ZPBP: variants seen among roughly 807,000 people sequenced by gnomAD.
ZPBP encodes the protein zona pellucida-binding protein 1.
ZPBP carries 26 observed loss-of-function variants against 44.8 expected under a neutral mutation model. That is an observed-to-expected ratio of 0.58 (90% CI 0.43 to 0.81). ZPBP has a LOEUF of 0.81. Among genes scored for constraint, ZPBP ranks in the 30% least tolerant of loss-of-function variants. The pLI, the probability that ZPBP is intolerant of heterozygous loss-of-function variation, is 0.00. For missense variants in ZPBP, 409 were observed against 434.0 expected, an observed-to-expected ratio of 0.94 and a Z score of 0.51; for synonymous variants, 174 against 153.2, an observed-to-expected ratio of 1.14 and a Z score of -1.00.
At chr7:49,884,489 G>A (rs1205472271) in intron 2 of ZPBP, among the ~76,000 whole-genome samples, 1 of 152,176 alleles carries the variant, frequency 6.6e-6, no homozygotes, top group Non-Finnish European at 1.5e-5. Flanking sequence ...TCATCCTGAT[G>A]GATGAGGGGT....
At chr7:49,878,834 C>G (rs190145897) in intron 2 of ZPBP, among the ~76,000 whole-genome samples, 2 of 152,280 alleles carry the variant, frequency 1.3e-5, no homozygotes, top group Non-Finnish European at 2.9e-5. Flanking sequence ...AACACAGCTA[C>G]AGTTGTTTAT....
chr7:50,062,077 GC>G (rs1298766386), intron 3 of ZPBP, among the ~76,000 whole-genome samples: 15 of 152,100 alleles, frequency 9.9e-5, no homozygotes, highest in Admixed American at 9.8e-4. Flanking sequence ...ATTCACAATG[GC>G]CACAAAAAGA....
At chr7:50,088,715 T>C (rs191886975) in intron 2 of ZPBP, among the ~76,000 whole-genome samples, 2 of 152,038 alleles carry the variant, frequency 1.3e-5, no homozygotes, top group East Asian at 3.9e-4. Context: ...TGATACCAGT[T>C]TACACATACT....
downstream of ZPBP, chr7:49,937,425 T>G (rs1794658941): frequency 1.1e-6 from 1 of 903,172 alleles, no homozygotes; most frequent in Admixed American, 1.8e-5. Flanking sequence ...ATGACACATT[T>G]TTTTGTAAAA....
At chr7:49,990,776 C>A (rs1797536421) in intron 6 of ZPBP, among the ~76,000 whole-genome samples, 1 of 152,132 alleles carries the variant, frequency 6.6e-6, no homozygotes, top group South Asian at 2.1e-4. Context: ...ACTGGCCATG[C>A]CAAGCTCATT....
chr7:49,936,527 G>A (rs1207306344), downstream of ZPBP, among the ~76,000 whole-genome samples: 2 of 152,068 alleles, frequency 1.3e-5, no homozygotes, highest in Non-Finnish European at 2.9e-5. Context: ...TCCAGCATAG[G>A]GTATGTTTGC....
At chr7:49,873,121 A>G (rs1791245529) in intron 2 of ZPBP, among the ~76,000 whole-genome samples, 2 of 152,280 alleles carry the variant, frequency 1.3e-5, no homozygotes, top group South Asian at 4.1e-4. Context: ...GCAAATTCTT[A>G]CCCAGTAATT....
At chr7:49,983,630 T>TTA in intron 6 of ZPBP, 111 bp from the exon 7 acceptor site, 1 of 659,674 alleles carries the variant, frequency 1.5e-6, no homozygotes, top group Non-Finnish European at 2.5e-6. Context: ...CTCAAGGTCA[T>TTA]TATTTTTTCT....
At chr7:50,091,201 T>A (rs1802976451) in intron 1 of ZPBP, among the ~76,000 whole-genome samples, 1 of 152,196 alleles carries the variant, frequency 6.6e-6, no homozygotes, top group South Asian at 2.1e-4. Flanking sequence ...GAGTTCCTTG[T>A]AGATTCTAGA....
chr7:49,923,083 G>C (rs1183247263), intron 1 of ZPBP, among the ~76,000 whole-genome samples: 2 of 152,160 alleles, frequency 1.3e-5, no homozygotes, highest in Non-Finnish European at 2.9e-5. Flanking sequence ...CAAATGCAAA[G>C]AAGTACAGAT....
chr7:50,030,865 T>C (rs1431729253), intron 5 of ZPBP, among the ~76,000 whole-genome samples: 2 of 152,128 alleles, frequency 1.3e-5, no homozygotes, highest in African/African-American at 4.8e-5. Context: ...TACAGTAAAT[T>C]ATCATAGCAG....
intron 2 of ZPBP, among the ~76,000 whole-genome samples, chr7:49,880,724 C>T (rs1003784690): frequency 2.0e-5 from 3 of 151,926 alleles, no homozygotes; most frequent in African/African-American, 7.3e-5. Flanking sequence ...GGAGATACAC[C>T]TAATGTAAAT....
intron 2 of ZPBP, among the ~76,000 whole-genome samples, chr7:49,874,542 CTA>C (rs200811636): frequency 0.15 from 13,177 of 86,196 alleles, 625 homozygotes; most frequent in Non-Finnish European, 0.17. Flanking sequence ...TGACGCATGA[CTA>C]TATATGTGTG....
intron 3 of ZPBP, among the ~76,000 whole-genome samples, chr7:50,071,087 G>A (rs2366029): frequency 0.83 from 126,177 of 152,150 alleles, 52,365 homozygotes; most frequent in East Asian, 0.88. Flanking sequence ...TATCACTAAA[G>A]TAGGCACTGA....
intron 2 of ZPBP, among the ~76,000 whole-genome samples, chr7:49,877,968 G>A (rs1297658494): frequency 6.6e-6 from 1 of 151,950 alleles, no homozygotes; most frequent in Non-Finnish European, 1.5e-5. Context: ...ATATCATTTG[G>A]GTTAAATAAT....
chr7:49,888,932 CA>C (rs923355020), intron 2 of ZPBP, among the ~76,000 whole-genome samples: 3 of 149,866 alleles, frequency 2.0e-5, no homozygotes, highest in Admixed American at 1.3e-4. Flanking sequence ...AAAACAAAAA[CA>C]AAAAAAAACA....
chr7:50,050,189 T>C (rs1472580353), intron 4 of ZPBP, among the ~76,000 whole-genome samples: 1 of 152,050 alleles, frequency 6.6e-6, no homozygotes, highest in Non-Finnish European at 1.5e-5. Context: ...AATTAATCTA[T>C]AAATTGAATG....
intron 5 of ZPBP, among the ~76,000 whole-genome samples, chr7:50,022,377 G>A (rs1213734051): frequency 6.6e-6 from 1 of 151,838 alleles, no homozygotes; most frequent in African/African-American, 2.4e-5. Flanking sequence ...AGGGACAATA[G>A]CATAGAGAAG....
chr7:49,949,092 A>G (rs950504469), intron 7 of ZPBP, among the ~76,000 whole-genome samples: 24 of 152,088 alleles, frequency 1.6e-4, no homozygotes, highest in Admixed American at 1.5e-3. Flanking sequence ...AAACACTGCT[A>G]CCTCTTTCTC....
Sources: allele counts gnomAD v4.1 joint callset (sites outside exome capture counted in the v4.1 genomes callset), GRCh38; gene constraint gnomAD v4.1.1; transcripts MANE v1.5; gene names NCBI Gene and HGNC (gene_info 2026-07-23, HGNC 2026-07-21).